GALNT13: variants seen among roughly 807,000 people sequenced by gnomAD.
The protein encoded by GALNT13 is polypeptide N-acetylgalactosaminyltransferase 13.
In GALNT13, 28 loss-of-function variants were observed where a neutral mutation model predicts 64.2. The ratio of observed to expected loss-of-function variants is 0.44; its 90% CI spans 0.32 to 0.60. GALNT13 has a LOEUF of 0.60. GALNT13 is among the 20% of genes least tolerant of loss of function. The pLI, the probability that GALNT13 is intolerant of heterozygous loss-of-function variation, is 0.05. For missense variants in GALNT13, 577 were observed against 669.8 expected (o/e 0.86, Z 1.53); for synonymous variants, 214 against 224.6 (o/e 0.95, Z 0.42).
chr2:154,147,905 T>A (rs1453264022), intron 4 of GALNT13, among the ~76,000 whole-genome samples: 1 of 151,714 alleles, frequency 6.6e-6, no homozygotes, highest in Non-Finnish European at 1.5e-5. Flanking sequence ...GCTGGGATTT[T>A]GCTTTTATTT....
chr2:153,913,329 T>TC (rs1444719048), intron 2 of GALNT13, among the ~76,000 whole-genome samples: 1 of 152,094 alleles, frequency 6.6e-6, no homozygotes, highest in African/African-American at 2.4e-5. Flanking sequence ...AGCAGTGGTA[T>TC]AGCAGGGTGC....
At chr2:154,326,628 G>GA (rs1328937206) in intron 9 of GALNT13, among the ~76,000 whole-genome samples, 3 of 151,814 alleles carry the variant, frequency 2.0e-5, no homozygotes, top group East Asian at 1.9e-4. Context: ...CGTTCCTTTG[G>GA]AAAAAAATGG....
At chr2:154,348,715 C>G (rs1696213392) in intron 9 of GALNT13, among the ~76,000 whole-genome samples, 1 of 151,858 alleles carries the variant, frequency 6.6e-6, no homozygotes, top group Non-Finnish European at 1.5e-5. Context: ...TCATTTTATA[C>G]TAGATGGTAG....
chr2:153,336,802 C>T, the GALNT13 span, among the ~76,000 whole-genome samples: 128 of 152,206 alleles, frequency 8.4e-4, no homozygotes, highest in African/African-American at 3.0e-3. Context: ...AATGGTTTGG[C>T]TGTGTCCCCA....
Position 154,301,266 on chromosome 2 carries a change from A to C in GALNT13, c.976-143A>C. ...CTTCCAAATTCGCATCCTTTGCCAAAAGTAAGTATAGTGTACCAGTTCTAA... is the reference window on the plus strand; with the variant it reads ...CTTCCAAATTCGCATCCTTTGCCAACAGTAAGTATAGTGTACCAGTTCTAA... On this transcript the variant is annotated intron_variant, in intron 8 of 12. Coordinates refer to ENST00000392825, the MANE Select transcript of GALNT13 (RefSeq NM_052917.4). 4 of 631,870 alleles carry C rather than the reference A, an allele frequency of 6.3e-6. No homozygotes were observed. The Admixed American group carries it at 1.1e-4, about 17-fold the overall frequency. 39.1% of individuals were successfully genotyped at this position (631,870 alleles called of 1,614,324 possible).
chr2:154,049,373 T>C (rs1016040888), intron 3 of GALNT13, among the ~76,000 whole-genome samples: 6 of 148,442 alleles, frequency 4.0e-5, no homozygotes, highest in African/African-American at 1.2e-4. Context: ...ATTTAAAGAA[T>C]ATATATCACT....
At chr2:153,993,656 A>C (rs1476723352) in intron 3 of GALNT13, among the ~76,000 whole-genome samples, 4 of 141,546 alleles carry the variant, frequency 2.8e-5, no homozygotes, top group Non-Finnish European at 6.0e-5. Flanking sequence ...AGATCGTGCC[A>C]CTGTACTTCA....
chr2:153,571,819 C>T, the GALNT13 span, among the ~76,000 whole-genome samples: 1 of 151,864 alleles, frequency 6.6e-6, no homozygotes, highest in South Asian at 2.1e-4. Context: ...GTTGAATGTT[C>T]TTTCTAATGT....
the GALNT13 span, among the ~76,000 whole-genome samples, chr2:153,450,977 C>T: frequency 2.3e-3 from 344 of 152,204 alleles, 2 homozygotes; most frequent in Non-Finnish European, 2.2e-3. Flanking sequence ...TGAAGTTCAA[C>T]CATAAATACA....
chr2:154,446,590 T>A, intron 12 of GALNT13: 1 of 1,545,032 alleles, frequency 6.5e-7, no homozygotes, highest in East Asian at 2.5e-5. Context: ...CTTCATATAA[T>A]CACCCAGTCT....
chr2:153,656,225 A>G, the GALNT13 span, among the ~76,000 whole-genome samples: 2 of 152,246 alleles, frequency 1.3e-5, no homozygotes, highest in African/African-American at 4.8e-5. Context: ...ATAAAACAAA[A>G]GACAATGAGC....
At chr2:153,183,479 T>C in the GALNT13 span, among the ~76,000 whole-genome samples, 2 of 152,190 alleles carry the variant, frequency 1.3e-5, no homozygotes, top group South Asian at 4.1e-4. Context: ...TTTAATTAGA[T>C]CTCATTTGTC....
chr2:153,317,904 A>AT, the GALNT13 span, among the ~76,000 whole-genome samples: 3 of 151,820 alleles, frequency 2.0e-5, no homozygotes, highest in Non-Finnish European at 1.5e-5. Context: ...TGCCTTGCAG[A>AT]TTTTTTCTAG....
the GALNT13 span, among the ~76,000 whole-genome samples, chr2:153,286,055 T>A: frequency 6.6e-6 from 1 of 152,220 alleles, no homozygotes; most frequent in East Asian, 1.9e-4. Flanking sequence ...CAGAAAGAGA[T>A]GGTCAGATTG....
the GALNT13 span, among the ~76,000 whole-genome samples, chr2:153,712,340 T>C: frequency 6.6e-6 from 1 of 152,200 alleles, no homozygotes; most frequent in African/African-American, 2.4e-5. Flanking sequence ...CTCACTGAGA[T>C]TTAAGACATT....
At position 154,242,816 on chromosome 2, in the gene GALNT13, A is replaced by G. The variant is rs777110671; in HGVS notation, c.597A>G (p.Ser199=). 2.2e-5 allele frequency: 35 copies of G among 1,614,080 alleles called. No individual in the cohort carries two copies. The highest frequency in any genetic ancestry group is 2.2e-5 in the Non-Finnish European group (26 of 1,180,024). The change falls in exon 6 of 13, where the codon TCA becomes TCG. Residue 199 remains serine, a synonymous_variant. Coordinates refer to ENST00000392825, the MANE Select transcript of GALNT13 (RefSeq NM_052917.4). ...CCCGTCTTCGAGGAGCAGCTGCTTC[A>G]AAAGGGCAGGTCATAACTTTTCTTG... The part of the protein sequence containing the change: ...IRARLRGAAA[S]KGQVITFLDA...
chr2:153,131,787 G>C, the GALNT13 span, among the ~76,000 whole-genome samples: 1 of 151,788 alleles, frequency 6.6e-6, no homozygotes, highest in African/African-American at 2.4e-5. Flanking sequence ...GTATATGTAA[G>C]TTTTCAAGCA....
At chr2:153,516,518 A>G in the GALNT13 span, among the ~76,000 whole-genome samples, 6 of 152,088 alleles carry the variant, frequency 3.9e-5, no homozygotes, top group African/African-American at 1.4e-4. Context: ...TTTTGGGGAG[A>G]TTACAAGTTA....
chr2:153,167,979 T>G, the GALNT13 span, among the ~76,000 whole-genome samples: 1 of 152,188 alleles, frequency 6.6e-6, no homozygotes. Flanking sequence ...ACAGTGTTTC[T>G]TCTCTCAAAA....
Sources: gnomAD v4.1 joint callset for allele counts (sites outside exome capture counted in the v4.1 genomes callset) on GRCh38, gnomAD v4.1.1 for gene constraint, MANE v1.5 for transcripts, NCBI Gene and HGNC (gene_info 2026-07-23, HGNC 2026-07-21) for gene names.